Variants in ACVR1 observed in about 807,000 individuals in gnomAD.
ACVR1 encodes activin receptor type-1.
Under a neutral mutation model 57.1 loss-of-function variants are expected in ACVR1, and 38 were observed. The observed-to-expected ratio is 0.67, with a 90% CI of 0.51 to 0.87. The LOEUF (loss-of-function observed/expected upper bound fraction) is 0.87. Ranked by LOEUF, ACVR1 falls within the 40% of genes least tolerant of loss-of-function variation. The pLI is 0.00. For missense variants in ACVR1, 463 were observed against 638.2 expected, an observed-to-expected ratio of 0.73 and a Z score of 2.96; for synonymous variants, 212 against 228.1, an observed-to-expected ratio of 0.93 and a Z score of 0.63.
At chr2:157,776,748 T>C (rs1686303561) in intron 5 of ACVR1, among the ~76,000 whole-genome samples, 1 of 152,132 alleles carries the variant, frequency 6.6e-6, no homozygotes, top group African/African-American at 2.4e-5. Flanking sequence ...ACCCAGATGG[T>C]CACTGGTGAG....
chr2:157,802,815 G>A (rs1326561214), intron 2 of ACVR1, among the ~76,000 whole-genome samples: 1 of 152,216 alleles, frequency 6.6e-6, no homozygotes, highest in Admixed American at 6.5e-5. Flanking sequence ...TCACTAGACT[G>A]TGAATTCCAC....
intron 8 of ACVR1, among the ~76,000 whole-genome samples, chr2:157,764,194 T>TA (rs1559043328): frequency 6.0e-5 from 9 of 149,392 alleles, no homozygotes; most frequent in Admixed American, 2.7e-4. Flanking sequence ...ATATATATAT[T>TA]TTTTTTTAGA....
chr2:157,760,891 A>G lies in ACVR1; in HGVS notation c.1253T>C (p.Met418Thr), dbSNP rs549634108. ...GATTAGATACCTACCATTGCTCACC[A>G]TCCGCCTGGCCACTTCCCACAAAAC... Reference protein sequence around the residue: ...GLVLWEVARRMVSNGIVEDYK... With the variant: ...GLVLWEVARRTVSNGIVEDYK... Residue 418 changes from methionine (M) to threonine (T), a missense_variant, in exon 9 of 11, where the codon ATG becomes ACG. Physicochemically the swap from Met to Thr is moderately conservative, Grantham distance 81. Transcript: ENST00000434821. The G allele has an allele frequency of 3.7e-6, 6 of 1,614,104 alleles. No homozygotes were observed. In the Admixed American group the frequency reaches 1.0e-4, roughly 27 times the overall value.
At chr2:157,796,220 TC>T (rs1687113479) in intron 3 of ACVR1, among the ~76,000 whole-genome samples, 1 of 59,994 alleles carries the variant, frequency 1.7e-5, no homozygotes, top group African/African-American at 3.6e-5. Flanking sequence ...AGACTCTGCC[TC>T]AAAAAAAAAA....
chr2:157,863,867 C>CT (rs56669677), intron 1 of ACVR1, among the ~76,000 whole-genome samples: 3,549 of 129,038 alleles, frequency 0.028, 154 homozygotes, highest in African/African-American at 0.083. Context: ...GGAGCAAATT[C>CT]TTTTTTTTTT....
intron 9 of ACVR1, among the ~76,000 whole-genome samples, chr2:157,759,566 G>C (rs555884744): frequency 1.4e-4 from 22 of 152,086 alleles, no homozygotes; most frequent in Middle Eastern, 3.4e-3. Flanking sequence ...AATTGAAGAG[G>C]ACTGAATTGT....
Position 157,800,307 on chromosome 2 carries a change from G to C in ACVR1, c.-7-807C>G, listed in dbSNP as rs533076449. 5.3e-5 allele frequency among the ~76,000 whole-genome samples: 8 copies of C among 152,104 alleles called. No homozygotes were observed. In the South Asian group the frequency reaches 1.0e-3, roughly 20 times the overall value. On this transcript the variant is annotated intron_variant, in intron 2 of 10. Transcript: ENST00000434821. ...AAGAGTGGAAGCCCATTGCTATCTA[G>C]CATGTCTGGAGTGTTGACCTTTAAA...
rs528963669 is a variant in ACVR1, at chr2:157,784,209, C to T, written c.68-3609G>A. On this transcript the variant is annotated intron_variant, in intron 3 of 10. Coordinates refer to ENST00000434821, the MANE Select transcript of ACVR1 (RefSeq NM_001111067.4). Reference sequence around the variant, plus strand: ...TTGGTGTGGGAGTGGGGGTGGGGTTCGAGAATGATCACAAAACCCCTTTCA... The same window carrying T: ...TTGGTGTGGGAGTGGGGGTGGGGTTTGAGAATGATCACAAAACCCCTTTCA... 3.3e-5 allele frequency among the ~76,000 whole-genome samples: 5 copies of T among 152,072 alleles called. No individual in the cohort carries two copies. In the South Asian group the frequency reaches 1.0e-3, roughly 32 times the overall value.
At chr2:157,865,617 C>T (rs879816737) in intron 1 of ACVR1, among the ~76,000 whole-genome samples, 8 of 151,838 alleles carry the variant, frequency 5.3e-5, no homozygotes, top group Admixed American at 4.6e-4. Flanking sequence ...CATGGAGAAA[C>T]CCTGTCTCTA....
intron 10 of ACVR1, among the ~76,000 whole-genome samples, chr2:157,738,217 T>C (rs1574000733): frequency 6.6e-6 from 1 of 152,182 alleles, no homozygotes; most frequent in East Asian, 1.9e-4. Context: ...TTCTTACAAA[T>C]ATTGTCATTC....
intron 1 of ACVR1, among the ~76,000 whole-genome samples, chr2:157,825,615 A>G (rs1688317121): frequency 6.6e-6 from 1 of 152,132 alleles, no homozygotes. Context: ...TACACTCCTT[A>G]TGAGAATCTA....
At chr2:157,874,343 G>C (rs1281333831) in intron 1 of ACVR1, among the ~76,000 whole-genome samples, 1 of 152,214 alleles carries the variant, frequency 6.6e-6, no homozygotes, top group African/African-American at 2.4e-5. Flanking sequence ...CCAGGCATAA[G>C]ATAACCTCCT....
chr2:157,741,288 A>G (rs991245841), intron 9 of ACVR1, among the ~76,000 whole-genome samples: 28 of 152,170 alleles, frequency 1.8e-4, no homozygotes, highest in African/African-American at 5.3e-4. Context: ...AATTGACTCA[A>G]TGGCCATTTT....
At chr2:157,802,831 G>A (rs529991773) in intron 2 of ACVR1, among the ~76,000 whole-genome samples, 1 of 152,280 alleles carries the variant, frequency 6.6e-6, no homozygotes, top group East Asian at 1.9e-4. Flanking sequence ...TCCACGGGAG[G>A]AAAATCTATA....
intron 1 of ACVR1, among the ~76,000 whole-genome samples, chr2:157,865,873 T>C (rs996500862): frequency 5.3e-5 from 8 of 150,318 alleles, no homozygotes; most frequent in Non-Finnish European, 7.4e-5. Context: ...GATTGACTGA[T>C]TGATTTCTGC....
At chr2:157,832,375 C>T (rs1263740285) in intron 1 of ACVR1, among the ~76,000 whole-genome samples, 5 of 152,118 alleles carry the variant, frequency 3.3e-5, no homozygotes, top group Non-Finnish European at 7.4e-5. Context: ...ACAGGAAAGA[C>T]AAAAACGAGA....
intron 3 of ACVR1, among the ~76,000 whole-genome samples, chr2:157,797,224 GAGATAGGAACAGA>G (rs1271773595): frequency 1.3e-5 from 2 of 152,170 alleles, no homozygotes; most frequent in East Asian, 1.9e-4. Context: ...GTATGAGAAG[GAGATAGGAACAGA>G]TCAAATATTA....
chr2:157,766,290 T>G (rs1350773664), intron 7 of ACVR1, 94 bp from the exon 8 acceptor site: 6 of 1,337,318 alleles, frequency 4.5e-6, no homozygotes, highest in Non-Finnish European at 6.3e-6. Flanking sequence ...AAATGTCATC[T>G]GTAACAAAAA....
At chr2:157,834,827 G>A (rs182055280) in intron 1 of ACVR1, among the ~76,000 whole-genome samples, 104 of 152,206 alleles carry the variant, frequency 6.8e-4, no homozygotes, top group African/African-American at 2.3e-3. Context: ...GCAGGGCCTC[G>A]TGGGATGAGT....
Sources: allele counts gnomAD v4.1 joint callset (sites outside exome capture counted in the v4.1 genomes callset), GRCh38; gene constraint gnomAD v4.1.1; transcripts MANE v1.5; gene names NCBI Gene and HGNC (gene_info 2026-07-23, HGNC 2026-07-21).